Variants in ASNS observed in about 807,000 individuals in gnomAD.
The protein encoded by ASNS is asparagine synthetase [glutamine-hydrolyzing].
In ASNS, 37 loss-of-function variants were observed where a neutral mutation model predicts 62.6. That is an observed-to-expected ratio of 0.59 (90% CI 0.45 to 0.78). The LOEUF (loss-of-function observed/expected upper bound fraction) is 0.78, where lower values mean the gene tolerates loss of function less well. Ranked by LOEUF, ASNS falls within the 30% of genes least tolerant of loss-of-function variation. The pLI is 0.00. For missense variants in ASNS, 520 were observed against 682.4 expected, an observed-to-expected ratio of 0.76 and a Z score of 2.65; for synonymous variants, 207 against 237.9, an observed-to-expected ratio of 0.87 and a Z score of 1.19.
At chr7:97,927,010 C>A in the ASNS span, among the ~76,000 whole-genome samples, 1 of 146,022 alleles carries the variant, frequency 6.8e-6, no homozygotes, top group African/African-American at 2.5e-5. Context: ...CAGGCTCTAG[C>A]AATCCTCCCA....
chr7:97,905,558 C>T, the ASNS span, among the ~76,000 whole-genome samples: 1 of 152,156 alleles, frequency 6.6e-6, no homozygotes, highest in Non-Finnish European at 1.5e-5. Flanking sequence ...TATCTCAAAG[C>T]CCCCAACACC....
the ASNS span, among the ~76,000 whole-genome samples, chr7:97,888,739 T>C: frequency 1.1e-4 from 16 of 152,322 alleles, no homozygotes; most frequent in African/African-American, 3.8e-4. Flanking sequence ...CATGCAGAGC[T>C]GATGAGGGTT....
At chr7:97,898,719 A>G in the ASNS span, 1 of 651,232 alleles carries the variant, frequency 1.5e-6, no homozygotes, top group African/African-American at 1.8e-5. Flanking sequence ...AACAGATGAA[A>G]GAAGTAACCA....
chr7:97,884,527 CGTCAAGAGTGAAA>C, the ASNS span, among the ~76,000 whole-genome samples: 1 of 152,042 alleles, frequency 6.6e-6, no homozygotes, highest in Admixed American at 6.6e-5. Context: ...CAAGCCTGGG[CGTCAAGAGTGAAA>C]GTCCGTCTCC....
At chr7:97,854,974 A>AAT in intron 9 of ASNS, 1 of 369,966 alleles carries the variant, frequency 2.7e-6, no homozygotes, top group Non-Finnish European at 4.6e-6. Flanking sequence ...TTTATTTTTA[A>AAT]CTTTTTTTTT....
intron 7 of ASNS, among the ~76,000 whole-genome samples, chr7:97,857,402 T>C (rs1791496800): frequency 6.6e-6 from 1 of 152,100 alleles, no homozygotes; most frequent in Non-Finnish European, 1.5e-5. Flanking sequence ...TACAGTACTT[T>C]CAAAAATAAT....
At chr7:97,884,705 T>C in the ASNS span, among the ~76,000 whole-genome samples, 1 of 152,256 alleles carries the variant, frequency 6.6e-6, no homozygotes, top group African/African-American at 2.4e-5. Flanking sequence ...AGGAAGATTT[T>C]ACTTTTTTAA....
the ASNS span, among the ~76,000 whole-genome samples, chr7:97,882,008 C>T: frequency 6.5e-3 from 987 of 152,180 alleles, 6 homozygotes; most frequent in Admixed American, 7.1e-3. Flanking sequence ...TGTACCACCA[C>T]GCCTGGCTAA....
chr7:97,912,370 T>G, the ASNS span, among the ~76,000 whole-genome samples: 1 of 152,084 alleles, frequency 6.6e-6, no homozygotes, highest in Non-Finnish European at 1.5e-5. Flanking sequence ...GTTTGTTTGC[T>G]TCTTGTTTTT....
chr7:97,926,326 A>G, the ASNS span, among the ~76,000 whole-genome samples: 1 of 152,158 alleles, frequency 6.6e-6, no homozygotes, highest in South Asian at 2.1e-4. Flanking sequence ...CTTGCAGAGA[A>G]AAGTCCAAAA....
At chr7:97,895,323 C>T in the ASNS span, among the ~76,000 whole-genome samples, 4 of 152,206 alleles carry the variant, frequency 2.6e-5, no homozygotes, top group Non-Finnish European at 1.5e-5. Flanking sequence ...ACAAGGATGT[C>T]CACTTTCACC....
chr7:97,890,749 A>G, the ASNS span, among the ~76,000 whole-genome samples: 1 of 150,660 alleles, frequency 6.6e-6, no homozygotes, highest in Non-Finnish European at 1.5e-5. Context: ...TCCATTGCTA[A>G]AAAAAAAATA....
the ASNS span, among the ~76,000 whole-genome samples, chr7:97,920,620 C>T: frequency 6.6e-6 from 1 of 152,224 alleles, no homozygotes; most frequent in African/African-American, 2.4e-5. Context: ...CCCCAGAATA[C>T]AGGGCTCTCA....
the ASNS span, among the ~76,000 whole-genome samples, chr7:97,887,238 C>T: frequency 6.6e-6 from 1 of 152,190 alleles, no homozygotes; most frequent in Non-Finnish European, 1.5e-5. Context: ...TACATGCAGA[C>T]CTGCAGGACA....
Position 97,853,051 on chromosome 7 carries a change from A to G in ASNS, c.1476+9T>C. 6.5e-7 allele frequency: 1 copy of G among 1,533,874 alleles called. No individual in the cohort carries two copies. The highest frequency in any genetic ancestry group is 2.3e-5 in the East Asian group (1 of 43,752). Reference sequence around the variant, plus strand: ...CTTATTCCTGAAAATGTTTTTAAAGACATTATACCTGATGTTCAACGTATT... The same window carrying G: ...CTTATTCCTGAAAATGTTTTTAAAGGCATTATACCTGATGTTCAACGTATT... On this transcript the variant is annotated intron_variant, in intron 12 of 12. Coordinates refer to ENST00000394308, the MANE Select transcript of ASNS (RefSeq NM_001673.5).
chr7:97,927,405 T>C, the ASNS span, among the ~76,000 whole-genome samples: 1 of 152,228 alleles, frequency 6.6e-6, no homozygotes, highest in Non-Finnish European at 1.5e-5. Context: ...TGGGGCCTGT[T>C]GACAGATCCA....
the ASNS span, among the ~76,000 whole-genome samples, chr7:97,883,233 T>C: frequency 6.6e-6 from 1 of 152,128 alleles, no homozygotes; most frequent in Non-Finnish European, 1.5e-5. Context: ...AATTCATATG[T>C]CTAGGGCATA....
chr7:97,864,281 C>G lies in ASNS; in HGVS notation c.465G>C (p.Leu155Phe), dbSNP rs1454367774. Residue 155 changes from leucine to phenylalanine, a missense_variant, in exon 4 of 13, where the codon TTG becomes TTC. Physicochemically the swap from Leu to Phe is conservative, Grantham distance 22 (BLOSUM62 0). Coordinates refer to ENST00000394308, the MANE Select transcript of ASNS (RefSeq NM_001673.5). Reference sequence around the variant, plus strand: ...TACCTTTAGCTTCTGAACATACAGCCAAAAATCCATCTTCTGTCATTGCTT... The same window carrying G: ...TACCTTTAGCTTCTGAACATACAGCGAAAAATCCATCTTCTGTCATTGCTT... Reference protein sequence around the residue: ...LFKAMTEDGFLAVCSEAKGLV... With the variant: ...LFKAMTEDGFFAVCSEAKGLV... 1.2e-6 allele frequency: 2 copies of G among 1,613,346 alleles called. No individual in the cohort carries two copies. Among genetic ancestry groups the G allele is most frequent in the Non-Finnish European group, 1.7e-6 (2 of 1,179,622 alleles).
the ASNS span, among the ~76,000 whole-genome samples, chr7:97,920,873 C>CT: frequency 6.6e-6 from 1 of 152,214 alleles, no homozygotes; most frequent in East Asian, 1.9e-4. Context: ...AGAAACCATT[C>CT]TTTTTTCTCC....
Sources: gnomAD v4.1 joint callset for allele counts (sites outside exome capture counted in the v4.1 genomes callset) on GRCh38, gnomAD v4.1.1 for gene constraint, MANE v1.5 for transcripts, NCBI Gene and HGNC (gene_info 2026-07-23, HGNC 2026-07-21) for gene names.